Variants in RTN1 observed in about 807,000 individuals in gnomAD.
The protein encoded by RTN1 is reticulon 1.
In RTN1, 25 loss-of-function variants were observed where a neutral mutation model predicts 65.5. The ratio of observed to expected loss-of-function variants is 0.38; its 90% CI spans 0.28 to 0.53. The LOEUF (loss-of-function observed/expected upper bound fraction) is 0.53, where lower values mean the gene tolerates loss of function less well. RTN1 is among the 20% of genes least tolerant of loss of function. RTN1 has a pLI of 0.79. For missense variants in RTN1, 983 were observed against 1,025.4 expected (o/e 0.96, Z 0.57); for synonymous variants, 471 against 447.6 (o/e 1.05, Z -0.66).
At chr14:59,826,512 A>ACTGTC (rs1887033528) in intron 1 of RTN1, among the ~76,000 whole-genome samples, 1 of 152,216 alleles carries the variant, frequency 6.6e-6, no homozygotes, top group Non-Finnish European at 1.5e-5. Context: ...TCATTTACAG[A>ACTGTC]AGCTCATTGG....
chr14:59,677,363 G>C (rs1883648837), intron 3 of RTN1, among the ~76,000 whole-genome samples: 1 of 152,156 alleles, frequency 6.6e-6, no homozygotes, highest in Non-Finnish European at 1.5e-5. Flanking sequence ...AGGGATGCTG[G>C]TACCCCACTG....
At chr14:59,684,184 G>A (rs957033299) in intron 3 of RTN1, among the ~76,000 whole-genome samples, 52 of 151,634 alleles carry the variant, frequency 3.4e-4, no homozygotes, top group African/African-American at 1.3e-3. Context: ...TACTTCTGGT[G>A]GTTACTATGA....
intron 1 of RTN1, among the ~76,000 whole-genome samples, chr14:59,805,375 G>C (rs1379677483): frequency 6.6e-6 from 1 of 152,074 alleles, no homozygotes; most frequent in Non-Finnish European, 1.5e-5. Context: ...CAGAATTCAG[G>C]TTCACAGGCT....
In RTN1 at chr14:59,830,632, C is replaced by G. The variant is rs1171345525; in HGVS notation, c.241+39758G>C. 4.6e-5 allele frequency among the ~76,000 whole-genome samples: 7 copies of G among 152,160 alleles called. No individual in the cohort carries two copies. In the East Asian group the frequency reaches 1.3e-3, roughly 29 times the overall value. ...AGATTACCTCAGGTCATCCCTTAGG[C>G]CTTTTCAAATTAAGAGCCAGATCAT... On this transcript the variant is annotated intron_variant, in intron 1 of 8. Coordinates refer to ENST00000267484, the MANE Select transcript of RTN1 (RefSeq NM_021136.3).
At chr14:59,661,323 T>C (rs113444468) in intron 3 of RTN1, among the ~76,000 whole-genome samples, 62,289 of 146,626 alleles carry the variant, frequency 0.42, 13,997 homozygotes, top group African/African-American at 0.57. Flanking sequence ...ATTCGAGGTA[T>C]AAAGAGGAGC....
chr14:59,739,054 G>C (rs752238658), intron 2 of RTN1, among the ~76,000 whole-genome samples: 4 of 152,028 alleles, frequency 2.6e-5, no homozygotes, highest in Non-Finnish European at 5.9e-5. Context: ...TGGGTGCTGG[G>C]CTTAACTCCT....
At chr14:59,705,277 G>A (rs56039650) in intron 3 of RTN1, among the ~76,000 whole-genome samples, 3,782 of 152,214 alleles carry the variant, frequency 0.025, 155 homozygotes, top group African/African-American at 0.086. Flanking sequence ...GCTACATTAT[G>A]ATCAGCCTCT....
At chr14:59,757,644 C>T (rs1024466636) in intron 1 of RTN1, among the ~76,000 whole-genome samples, 4 of 152,114 alleles carry the variant, frequency 2.6e-5, no homozygotes, top group East Asian at 1.9e-4. Context: ...GCCAAGGGAG[C>T]GCCTTTGTTT....
chr14:59,859,170 A>G (rs1204855062), intron 1 of RTN1, among the ~76,000 whole-genome samples: 1 of 152,226 alleles, frequency 6.6e-6, no homozygotes, highest in Non-Finnish European at 1.5e-5. Flanking sequence ...ATAATTTTAA[A>G]ATAATGATAT....
chr14:59,607,733 A>G, intron 3 of RTN1: 1 of 523,756 alleles, frequency 1.9e-6, no homozygotes, highest in Non-Finnish European at 3.5e-6. Context: ...AAGACTATTG[A>G]ATCTCCATTG....
At chr14:59,828,603 T>C (rs1887074233) in intron 1 of RTN1, among the ~76,000 whole-genome samples, 1 of 152,192 alleles carries the variant, frequency 6.6e-6, no homozygotes, top group Non-Finnish European at 1.5e-5. Context: ...AAACCAGATG[T>C]CAGTGGTCCA....
intron 3 of RTN1, among the ~76,000 whole-genome samples, chr14:59,652,900 A>G (rs963783104): frequency 1.1e-4 from 16 of 152,180 alleles, no homozygotes; most frequent in African/African-American, 3.9e-4. Flanking sequence ...AGCCTAAAGA[A>G]AAACGAAAAA....
intron 1 of RTN1, among the ~76,000 whole-genome samples, chr14:59,750,068 T>C: frequency 1.2e-5 from 1 of 82,618 alleles, no homozygotes; most frequent in Non-Finnish European, 2.1e-5. Context: ...ACATATATTA[T>C]ATATTATATA....
intron 1 of RTN1, among the ~76,000 whole-genome samples, chr14:59,798,869 T>C (rs992191833): frequency 3.3e-5 from 5 of 152,262 alleles, no homozygotes; most frequent in Admixed American, 6.5e-5. Flanking sequence ...AATTTACAGA[T>C]AAAAATTTAT....
intron 3 of RTN1, among the ~76,000 whole-genome samples, chr14:59,632,593 T>A (rs1882577881): frequency 6.6e-6 from 1 of 151,956 alleles, no homozygotes; most frequent in East Asian, 1.9e-4. Context: ...ATTCCCTAAG[T>A]CCAGAAGGTG....
At chr14:59,685,972 C>T (rs991617394) in intron 3 of RTN1, among the ~76,000 whole-genome samples, 2 of 152,162 alleles carry the variant, frequency 1.3e-5, no homozygotes, top group South Asian at 4.1e-4. Context: ...TAAAAACAGA[C>T]AGATAAACCA....
At chr14:59,784,048 G>A (rs1886206276) in intron 1 of RTN1, among the ~76,000 whole-genome samples, 1 of 151,882 alleles carries the variant, frequency 6.6e-6, no homozygotes, top group Admixed American at 6.6e-5. Context: ...CATATCCTTT[G>A]CAAAGTTTCT....
chr14:59,711,407 CT>C (rs2139457974), intron 3 of RTN1, among the ~76,000 whole-genome samples: 1 of 152,294 alleles, frequency 6.6e-6, no homozygotes, highest in East Asian at 1.9e-4. Context: ...GATAAATGCT[CT>C]TCGTGAGTAA....
intron 3 of RTN1, among the ~76,000 whole-genome samples, chr14:59,644,588 A>G (rs1157628869): frequency 1.3e-5 from 2 of 152,128 alleles, no homozygotes; most frequent in East Asian, 3.9e-4. Flanking sequence ...CCCCATACAT[A>G]CCCCGAGGAA....
Sources: gnomAD v4.1 joint callset for allele counts (sites outside exome capture counted in the v4.1 genomes callset) on GRCh38, gnomAD v4.1.1 for gene constraint, MANE v1.5 for transcripts, NCBI Gene and HGNC (gene_info 2026-07-23, HGNC 2026-07-21) for gene names.